The following COL25A1 variants were observed in gnomAD, a reference collection of about 807,000 sequenced individuals.
COL25A1 encodes the protein collagen type XXV alpha 1 chain, also known as collagen alpha-1(XXV) chain.
COL25A1 carries 103 observed loss-of-function variants against 128.4 expected under a neutral mutation model. The observed-to-expected ratio is 0.80, with a 90% CI of 0.68 to 0.94. The LOEUF (loss-of-function observed/expected upper bound fraction) is 0.94, where lower values mean the gene tolerates loss of function less well. Ranked by LOEUF, COL25A1 falls within the 40% of genes least tolerant of loss-of-function variation. COL25A1 has a pLI of 0.00. For missense variants in COL25A1, 745 were observed against 840.0 expected, an observed-to-expected ratio of 0.89 and a Z score of 1.40; for synonymous variants, 279 against 277.2, an observed-to-expected ratio of 1.01 and a Z score of -0.06.
chr4:109,081,951 G>A (rs575254867), intron 3 of COL25A1, among the ~76,000 whole-genome samples: 3 of 151,866 alleles, frequency 2.0e-5, no homozygotes, highest in Non-Finnish European at 2.9e-5. Context: ...TAATCCGCCC[G>A]CCTCAGCATC....
chr4:108,813,887 C>T lies in COL25A1; in HGVS notation c.*40G>A, dbSNP rs369472542. The stretch of plus-strand genomic sequence containing the variant: ...TTCAACTATAAATATTAAAAATGGA[C>T]CCTTATATACACAACTTCATGCTTG... On this transcript the variant is annotated 3_prime_UTR_variant, in exon 38 of 38. Transcript: ENST00000399132. 5.9e-6 allele frequency: 9 copies of T among 1,514,802 alleles called. No individual in the cohort carries two copies. In the African/African-American group the frequency reaches 8.4e-5, roughly 14 times the overall value. 93.8% of individuals were successfully genotyped at this position (1,514,802 alleles called of 1,614,324 possible).
At chr4:109,071,791 G>C (rs1213742707) in intron 3 of COL25A1, among the ~76,000 whole-genome samples, 1 of 152,108 alleles carries the variant, frequency 6.6e-6, no homozygotes, top group African/African-American at 2.4e-5. Context: ...TAAAAAGTCA[G>C]GAAACAACAG....
intron 3 of COL25A1, among the ~76,000 whole-genome samples, chr4:109,086,553 A>C (rs533449312): frequency 1.1e-4 from 16 of 152,214 alleles, no homozygotes; most frequent in African/African-American, 3.1e-4. Flanking sequence ...AAAATATTCA[A>C]AAATAAATAG....
chr4:108,857,611 A>G (rs1227778203), intron 24 of COL25A1, among the ~76,000 whole-genome samples: 1 of 152,072 alleles, frequency 6.6e-6, no homozygotes, highest in South Asian at 2.1e-4. Context: ...TAAAAATGAT[A>G]GTTGGAGCAA....
chr4:109,060,529 T>C (rs1425353), intron 3 of COL25A1, among the ~76,000 whole-genome samples: 37,803 of 151,958 alleles, frequency 0.25, 6,476 homozygotes, highest in African/African-American at 0.49. Context: ...GCAGTTGGTC[T>C]ATTTACATAC....
Position 108,923,952 on chromosome 4 carries a change from A to G in COL25A1, c.709-3348T>C, listed in dbSNP as rs563508326. ...TTTGTATATAACCAGTTAAGATGAAAATAATCTAGTTTTATTTTTTCAACA... is the reference window on the plus strand; with the variant it reads ...TTTGTATATAACCAGTTAAGATGAAGATAATCTAGTTTTATTTTTTCAACA... On this transcript the variant is annotated intron_variant, in intron 11 of 37. Coordinates refer to ENST00000399132, the MANE Select transcript of COL25A1 (RefSeq NM_198721.4). Among the ~76,000 whole-genome samples the G allele has an allele frequency of 7.9e-5, 12 of 152,328 alleles. 1 individual carries two copies. The East Asian group carries it at 2.3e-3, about 29-fold the overall frequency.
chr4:108,813,997 A>T, intron 37 of COL25A1, 68 bp from the exon 38 acceptor site: 1 of 1,255,100 alleles, frequency 8.0e-7, no homozygotes, highest in Non-Finnish European at 1.2e-6. Flanking sequence ...TTTTAAATCA[A>T]TATTTATTTT....
intron 3 of COL25A1, among the ~76,000 whole-genome samples, chr4:109,071,757 C>T (rs1475205706): frequency 2.0e-5 from 3 of 152,190 alleles, no homozygotes; most frequent in Non-Finnish European, 4.4e-5. Flanking sequence ...GATACCATCT[C>T]ACACCAGTTA....
At position 109,221,818 on chromosome 4, in the gene COL25A1, A is replaced by G. The variant is rs537986636; in HGVS notation, c.367+78765T>C. Among the ~76,000 whole-genome samples the G allele has an allele frequency of 2.4e-3, 363 of 152,252 alleles. 2 individuals are homozygous for G. The highest frequency in any genetic ancestry group is 4.1e-3 in the Non-Finnish European group (278 of 68,022). The stretch of plus-strand genomic sequence containing the variant: ...GCATGGACTTATGTTGATTTTCTTC[A>G]GTGTTATACATTTTAAGGACTTTCA... On this transcript the variant is annotated intron_variant, in intron 3 of 37. Coordinates refer to ENST00000399132, the MANE Select transcript of COL25A1 (RefSeq NM_198721.4).
At chr4:108,987,985 T>C (rs968630756) in intron 6 of COL25A1, among the ~76,000 whole-genome samples, 1 of 152,166 alleles carries the variant, frequency 6.6e-6, no homozygotes, top group African/African-American at 2.4e-5. Context: ...ATAAGATTTG[T>C]TTCTTAATAA....
At chr4:108,829,382 A>C (rs1732784749) in intron 32 of COL25A1, among the ~76,000 whole-genome samples, 1 of 125,174 alleles carries the variant, frequency 8.0e-6, no homozygotes, top group African/African-American at 3.1e-5. Flanking sequence ...TGTATGTGTA[A>C]GTGTGTATCT....
At chr4:108,826,260 G>A (rs1190570476) in intron 33 of COL25A1, among the ~76,000 whole-genome samples, 2 of 152,090 alleles carry the variant, frequency 1.3e-5, no homozygotes, top group Admixed American at 6.5e-5. Flanking sequence ...TTTTCAGGCC[G>A]GGCGCAGTGT....
At chr4:108,977,554 G>A (rs1752555243) in intron 6 of COL25A1, among the ~76,000 whole-genome samples, 1 of 152,156 alleles carries the variant, frequency 6.6e-6, no homozygotes, top group Admixed American at 6.5e-5. Context: ...AAATAATAAT[G>A]AGAGGATATG....
chr4:109,092,282 C>A (rs896128742), intron 3 of COL25A1, among the ~76,000 whole-genome samples: 1 of 152,140 alleles, frequency 6.6e-6, no homozygotes, highest in African/African-American at 2.4e-5. Flanking sequence ...TCAAGACCAG[C>A]CTGGGCAATA....
At chr4:109,007,757 A>G in intron 6 of COL25A1, among the ~76,000 whole-genome samples, 1 of 152,136 alleles carries the variant, frequency 6.6e-6, no homozygotes. Flanking sequence ...TAGGTAGACT[A>G]TGTTTCTGCA....
chr4:109,084,733 C>T (rs1028608219), intron 3 of COL25A1, among the ~76,000 whole-genome samples: 7 of 152,170 alleles, frequency 4.6e-5, no homozygotes, highest in Admixed American at 3.3e-4. Flanking sequence ...ATTTAGAATG[C>T]AAAATCAATC....
chr4:108,841,162 C>T (rs370163537), intron 31 of COL25A1, among the ~76,000 whole-genome samples: 1 of 152,226 alleles, frequency 6.6e-6, no homozygotes, highest in African/African-American at 2.4e-5. Context: ...TCTTCTTAAC[C>T]CAAAAGTATA....
intron 3 of COL25A1, among the ~76,000 whole-genome samples, chr4:109,222,471 C>T (rs1317064869): frequency 6.6e-6 from 1 of 152,130 alleles, no homozygotes; most frequent in Non-Finnish European, 1.5e-5. Flanking sequence ...ACTCTATAGT[C>T]TTTTAGGCCC....
intron 3 of COL25A1, among the ~76,000 whole-genome samples, chr4:109,175,953 T>C (rs1774053814): frequency 6.6e-6 from 1 of 152,260 alleles, no homozygotes; most frequent in African/African-American, 2.4e-5. Flanking sequence ...TAGTGAAGAA[T>C]GTTGTTTGAT....
Sources: allele counts gnomAD v4.1 joint callset (sites outside exome capture counted in the v4.1 genomes callset), GRCh38; gene constraint gnomAD v4.1.1; transcripts MANE v1.5; gene names NCBI Gene and HGNC (gene_info 2026-07-23, HGNC 2026-07-21).